The following SLC2A9 variants were observed in gnomAD, a reference collection of about 807,000 sequenced individuals.
SLC2A9 encodes the protein solute carrier family 2 member 9.
In SLC2A9, 39 loss-of-function variants were observed where a neutral mutation model predicts 50.6. The observed-to-expected ratio is 0.77, with a 90% CI of 0.60 to 1.01. The LOEUF is 1.01. Among genes scored for constraint, SLC2A9 ranks in the 50% least tolerant of loss-of-function variants. The pLI, the probability that SLC2A9 is intolerant of heterozygous loss-of-function variation, is 0.00. For synonymous variants in SLC2A9, 324 were observed against 276.9 expected (o/e 1.17, Z -1.69); for missense variants, 686 against 677.6 (o/e 1.01, Z -0.14).
chr4:9,846,708 C>T (rs1313537839), intron 10 of SLC2A9, among the ~76,000 whole-genome samples: 1 of 152,122 alleles, frequency 6.6e-6, no homozygotes, highest in Admixed American at 6.6e-5. Flanking sequence ...TAGCTAAGAC[C>T]ATTGGCACTA....
At chr4:9,807,026 CA>C (rs1404420549) in intron 3 of SLC2A9, among the ~76,000 whole-genome samples, 1 of 152,164 alleles carries the variant, frequency 6.6e-6, no homozygotes, top group African/African-American at 2.4e-5. Flanking sequence ...TTCAGGTGTT[CA>C]CATGGTTTGG....
chr4:9,938,857 CATAA>C (rs916317150), intron 6 of SLC2A9, among the ~76,000 whole-genome samples: 10 of 152,050 alleles, frequency 6.6e-5, no homozygotes, highest in African/African-American at 2.4e-4. Context: ...ACAAGGGTGG[CATAA>C]ATAAATAAGA....
chr4:10,015,448 A>G (rs546298351), intron 2 of SLC2A9, among the ~76,000 whole-genome samples: 1 of 152,342 alleles, frequency 6.6e-6, no homozygotes, highest in South Asian at 2.1e-4. Flanking sequence ...CATGAAATGA[A>G]GGTAACATCA....
intron 4 of SLC2A9, among the ~76,000 whole-genome samples, chr4:9,981,332 G>GATGGTGATGATGATGGTAGTGA (rs1755828372): frequency 3.3e-4 from 2 of 6,068 alleles, no homozygotes; most frequent in African/African-American, 5.7e-4. Flanking sequence ...TAGTGATGGT[G>GATGGTGATGATGATGGTAGTGA]TGGTGGTGGT....
intron 7 of SLC2A9, among the ~76,000 whole-genome samples, chr4:9,913,686 G>C (rs918855775): frequency 6.6e-6 from 1 of 152,172 alleles, no homozygotes; most frequent in Non-Finnish European, 1.5e-5. Flanking sequence ...TCTGCCTCCT[G>C]CAGGAAGCTG....
chr4:9,861,388 C>T (rs527606224), intron 10 of SLC2A9, among the ~76,000 whole-genome samples: 130 of 152,174 alleles, frequency 8.5e-4, no homozygotes, highest in African/African-American at 3.0e-3. Flanking sequence ...TGGTGCTAAA[C>T]CATTCATGAG....
downstream of SLC2A9, among the ~76,000 whole-genome samples, chr4:9,822,058 G>A (rs1724475700): frequency 6.6e-6 from 1 of 152,148 alleles, no homozygotes; most frequent in African/African-American, 2.4e-5. Context: ...ATATCTGTAG[G>A]GTCTGTAGGG....
At position 9,887,651 on chromosome 4, in the gene SLC2A9, G is replaced by A. The variant is rs986566979; in HGVS notation, c.1216-9C>T. The A allele has an allele frequency of 3.3e-6, 5 of 1,511,880 alleles. No individual in the cohort carries two copies. The African/African-American group carries it at 5.6e-5, about 17-fold the overall frequency. 93.7% of individuals were successfully genotyped at this position (1,511,880 alleles called of 1,614,324 possible). A position where few individuals can be genotyped will look rare whatever the true frequency, so the allele number is the denominator to read the frequency against. On this transcript the variant is annotated splice_polypyrimidine_tract_variant and intron_variant, in intron 9 of 11. Transcript: ENST00000264784. ...ACCCAGGGGGCGTGGTCCTGGGAGA[G>A]AACAGGGAGTGGTCAGGTGAGGAGG...
chr4:9,863,151 A>AT (rs772782532), intron 10 of SLC2A9, among the ~76,000 whole-genome samples: 28 of 151,556 alleles, frequency 1.8e-4, no homozygotes, highest in Non-Finnish European at 3.4e-4. Context: ...GTGTTCAAAA[A>AT]TTTTTTTTGT....
chr4:9,935,297 C>T (rs186366929), intron 6 of SLC2A9, among the ~76,000 whole-genome samples: 1 of 152,344 alleles, frequency 6.6e-6, no homozygotes, highest in East Asian at 1.9e-4. Context: ...GTTCCTATTT[C>T]TTACTGGGGG....
At chr4:9,868,741 T>C (rs1417389842) in intron 10 of SLC2A9, among the ~76,000 whole-genome samples, 1 of 152,204 alleles carries the variant, frequency 6.6e-6, no homozygotes, top group Non-Finnish European at 1.5e-5. Flanking sequence ...AGAGCAGAAC[T>C]TCTCCCCTCA....
At chr4:9,779,640 T>C (rs1718056900), downstream of SLC2A9, among the ~76,000 whole-genome samples, 1 of 151,998 alleles carries the variant, frequency 6.6e-6, no homozygotes, top group Non-Finnish European at 1.5e-5. Context: ...GGTCTCAATC[T>C]CCTGACCTCA....
chr4:9,871,921 A>C (rs1255843417), intron 10 of SLC2A9, among the ~76,000 whole-genome samples: 1 of 152,158 alleles, frequency 6.6e-6, no homozygotes, highest in African/African-American at 2.4e-5. Flanking sequence ...AGGTTGGTAG[A>C]TCTGGCCACC....
chr4:9,994,649 T>C (rs1361044771), intron 3 of SLC2A9, among the ~76,000 whole-genome samples: 1 of 151,212 alleles, frequency 6.6e-6, no homozygotes, highest in African/African-American at 2.4e-5. Flanking sequence ...AGAATAATGC[T>C]GGCTGAGAAG....
At chr4:9,779,876 C>T (rs1356949375) in exon 4 of SLC2A9, 1 of 152,138 alleles carries the variant, frequency 6.6e-6, no homozygotes, top group Non-Finnish European at 1.5e-5. Context: ...CCCATGTCTC[C>T]AAAATCCAAG....
At chr4:10,019,763 G>A (rs1578372741) in intron 1 of SLC2A9, among the ~76,000 whole-genome samples, 1 of 152,254 alleles carries the variant, frequency 6.6e-6, no homozygotes, top group Non-Finnish European at 1.5e-5. Context: ...CAAGCCTCAG[G>A]ACAAGGACCT....
chr4:9,925,896 G>A (rs1744804519), intron 6 of SLC2A9, among the ~76,000 whole-genome samples: 1 of 152,120 alleles, frequency 6.6e-6, no homozygotes, highest in African/African-American at 2.4e-5. Context: ...TACTGTTCCG[G>A]GCATGGTGTG....
chr4:9,941,743 G>T (rs1748167039), intron 6 of SLC2A9, among the ~76,000 whole-genome samples, 170 bp downstream of exon 6: 1 of 152,184 alleles, frequency 6.6e-6, no homozygotes, highest in African/African-American at 2.4e-5. Flanking sequence ...CCCCAGCAAG[G>T]CTGTTGGGAA....
At chr4:9,801,353 T>A (rs372934462) in intron 3 of SLC2A9, among the ~76,000 whole-genome samples, 1 of 152,096 alleles carries the variant, frequency 6.6e-6, no homozygotes, top group East Asian at 1.9e-4. Flanking sequence ...TAAATACAAT[T>A]TGGGGGAGTG....
Sources: allele counts gnomAD v4.1 joint callset (sites outside exome capture counted in the v4.1 genomes callset), GRCh38; gene constraint gnomAD v4.1.1; transcripts MANE v1.5; gene names NCBI Gene and HGNC (gene_info 2026-07-23, HGNC 2026-07-21).